Variants in OPRM1 observed in about 807,000 individuals in gnomAD.
OPRM1 encodes the protein opioid receptor mu 1, also known as mu-type opioid receptor.
A neutral mutation model predicts 31.8 loss-of-function variants in OPRM1; 27 were observed. The ratio of observed to expected loss-of-function variants is 0.85; its 90% confidence interval spans 0.63 to 1.17. OPRM1 has a LOEUF of 1.17. Among genes scored for constraint, OPRM1 ranks in the 50% most tolerant of loss-of-function variants. OPRM1 has a pLI of 0.00. For synonymous variants in OPRM1, 196 were observed against 189.9 expected, an observed-to-expected ratio of 1.03 and a Z score of -0.26; for missense variants, 536 against 511.1, an observed-to-expected ratio of 1.05 and a Z score of -0.47.
intron 3 of OPRM1, among the ~76,000 whole-genome samples, chr6:154,241,161 G>A (rs368757102): frequency 8.6e-5 from 13 of 151,160 alleles, no homozygotes; most frequent in Admixed American, 5.9e-4. Context: ...GCTTGAACCC[G>A]GGAGGCGGAG....
downstream of OPRM1, among the ~76,000 whole-genome samples, chr6:154,136,976 A>T (rs906465156): frequency 6.6e-6 from 1 of 152,234 alleles, no homozygotes; most frequent in Non-Finnish European, 1.5e-5. Flanking sequence ...TCTTGTGAAC[A>T]TACATCAAGT....
intron 3 of OPRM1, among the ~76,000 whole-genome samples, chr6:154,115,943 A>G (rs1434121034): frequency 2.6e-5 from 4 of 152,188 alleles, no homozygotes; most frequent in Admixed American, 6.5e-5. Context: ...GCATGCCCAC[A>G]TTGCCTTATG....
intron 3 of OPRM1, chr6:154,155,971 A>G (rs1221734849): frequency 6.6e-6 from 1 of 152,222 alleles, no homozygotes; most frequent in Non-Finnish European, 1.5e-5. Context: ...ATGAAAAGCA[A>G]TTAAGAGAAG....
rs1384088167 is a variant in OPRM1 at position 154,126,578 on chromosome 6, G to GGTTGT, written c.*7859_*7863dup. 6.6e-6 allele frequency among the ~76,000 whole-genome samples: 1 copy of GGTTGT among 152,140 alleles called. No individual in the cohort carries two copies. Among genetic ancestry groups the GGTTGT allele is most frequent in the Non-Finnish European group, 1.5e-5 (1 of 68,026 alleles). On this transcript the variant is annotated 3_prime_UTR_variant, in exon 4 of 4. Transcript: ENST00000330432. ...GAAGTGCTTTTCATATTCTGTATCT[G>GGTTGT]GTTGTGGTGGCAATGTCACCACCCT...
chr6:154,010,553 C>G (rs1360351993), exon 1 of OPRM1: 1 of 1,545,466 alleles, frequency 6.5e-7, no homozygotes, highest in Non-Finnish European at 8.8e-7. Context: ...GCTGGGAAGC[C>G]CTCCAGGTTC....
chr6:154,147,106 T>C (rs935351072), intron 3 of OPRM1, among the ~76,000 whole-genome samples: 1 of 152,044 alleles, frequency 6.6e-6, no homozygotes, highest in African/African-American at 2.4e-5. Flanking sequence ...GGACAACTGC[T>C]CCAGGGAAGC....
chr6:154,011,183 A>G (rs1345198777), intron 1 of OPRM1, among the ~76,000 whole-genome samples: 1 of 152,136 alleles, frequency 6.6e-6, no homozygotes. Context: ...CAAAAATAGT[A>G]GTTAACAATT....
chr6:154,215,554 C>T (rs536591364), intron 3 of OPRM1, among the ~76,000 whole-genome samples: 3 of 151,944 alleles, frequency 2.0e-5, no homozygotes, highest in East Asian at 3.9e-4. Flanking sequence ...TGCAATGAGC[C>T]GAGATCATGC....
intron 3 of OPRM1, chr6:154,158,053 T>G (rs1010296770): frequency 7.9e-5 from 12 of 152,366 alleles, no homozygotes; most frequent in African/African-American, 2.4e-4. Flanking sequence ...TTGCTTCTTG[T>G]TTTTTGTTTT....
intron 1 of OPRM1, among the ~76,000 whole-genome samples, chr6:154,014,782 A>T (rs1777914307): frequency 6.6e-6 from 1 of 152,182 alleles, no homozygotes; most frequent in African/African-American, 2.4e-5. Flanking sequence ...GCAGAAATGA[A>T]ATTAAAATTC....
chr6:154,180,414 A>ATTTTTTTT (rs761333730), intron 3 of OPRM1, among the ~76,000 whole-genome samples: 677 of 65,198 alleles, frequency 0.01, 4 homozygotes, highest in African/African-American at 0.02. Context: ...ATATATATAT[A>ATTTTTTTT]TTTTTTTTTT....
chr6:154,014,059 C>T (rs553711258), intron 1 of OPRM1, among the ~76,000 whole-genome samples: 2 of 152,058 alleles, frequency 1.3e-5, no homozygotes, highest in Non-Finnish European at 2.9e-5. Flanking sequence ...TCTACCATGG[C>T]GTGGATGCTA....
intron 3 of OPRM1, among the ~76,000 whole-genome samples, chr6:154,116,982 A>G (rs1403196597): frequency 1.3e-5 from 2 of 152,054 alleles, no homozygotes; most frequent in Admixed American, 1.3e-4. Context: ...TTCCTCCCTA[A>G]TGGAACCCAG....
At chr6:154,229,101 C>G (rs1779499623) in intron 3 of OPRM1, among the ~76,000 whole-genome samples, 1 of 152,170 alleles carries the variant, frequency 6.6e-6, no homozygotes, top group Admixed American at 6.5e-5. Context: ...CCAGGGGCGG[C>G]CCTCCCTTAC....
At position 154,121,377 on chromosome 6, in the gene OPRM1, G is replaced by T. The variant is rs497976; in HGVS notation, c.*2656G>T. Among the ~76,000 whole-genome samples the T allele has an allele frequency of 0.2, 30,801 of 152,148 alleles. 3,370 individuals carry two copies. Among genetic ancestry groups the T allele is most frequent in the Non-Finnish European group, 0.25 (17,054 of 67,982 alleles). Reference sequence around the variant, plus strand: ...AAAGGAAAGAAGAGGAAAGAGACTCGCTGGAGCACTGGTGAGTCTCTAGGA... The same window carrying T: ...AAAGGAAAGAAGAGGAAAGAGACTCTCTGGAGCACTGGTGAGTCTCTAGGA... On this transcript the variant is annotated 3_prime_UTR_variant, in exon 4 of 4. Transcript: ENST00000330432.
rs756001262 is a variant in OPRM1 at position 154,110,339 on chromosome 6, T to C, written c.1165-8344T>C. ...ATTGGTACATTGTTCTGTTTTTGAA[T>C]GAAATATCTTTGCAGAAAATAGATT... On this transcript the variant is annotated intron_variant, in intron 3 of 3. Transcript: ENST00000330432. 6 of 1,302,764 alleles carry C rather than the reference T, an allele frequency of 4.6e-6. No individual in the cohort carries two copies. In the South Asian group the frequency reaches 7.6e-5, roughly 16 times the overall value. 80.7% of individuals were successfully genotyped at this position (1,302,764 alleles called of 1,614,324 possible). A position where few individuals can be genotyped will look rare whatever the true frequency, so the allele number is the denominator to read the frequency against.
intron 3 of OPRM1, among the ~76,000 whole-genome samples, chr6:154,116,092 A>T (rs1168195599): frequency 6.6e-6 from 1 of 152,068 alleles, no homozygotes; most frequent in African/African-American, 2.4e-5. Context: ...CCAGTACAGG[A>T]TCTCCCGGCA....
intron 1 of OPRM1, among the ~76,000 whole-genome samples, chr6:154,042,524 G>T (rs893059001): frequency 6.6e-6 from 1 of 152,066 alleles, no homozygotes; most frequent in Non-Finnish European, 1.5e-5. Context: ...GAATCATGAG[G>T]CTCAGATGAC....
At chr6:154,059,812 T>C (rs934851476) in intron 1 of OPRM1, among the ~76,000 whole-genome samples, 1 of 152,232 alleles carries the variant, frequency 6.6e-6, no homozygotes, top group African/African-American at 2.4e-5. Flanking sequence ...AGTGTTCCAT[T>C]TCTAATTTTT....
Sources: allele counts gnomAD v4.1 joint callset (sites outside exome capture counted in the v4.1 genomes callset), GRCh38; gene constraint gnomAD v4.1.1; transcripts MANE v1.5; gene names NCBI Gene and HGNC (gene_info 2026-07-23, HGNC 2026-07-21).